Variants in TRAPPC3L observed in about 807,000 individuals in gnomAD.
TRAPPC3L encodes trafficking protein particle complex subunit 3L.
Under a neutral mutation model 23.7 loss-of-function variants are expected in TRAPPC3L, and 23 were observed. That is an observed-to-expected ratio of 0.97 (90% CI 0.70 to 1.37). TRAPPC3L has a LOEUF of 1.37. Ranked by LOEUF, TRAPPC3L falls within the 40% of genes most tolerant of loss-of-function variation. The probability of loss-of-function intolerance (pLI) is 0.00; values close to 1 mark genes in which losing one functional copy is unlikely to be tolerated. For missense variants in TRAPPC3L, 212 were observed against 216.8 expected, an observed-to-expected ratio of 0.98 and a Z score of 0.14; for synonymous variants, 81 against 77.9, an observed-to-expected ratio of 1.04 and a Z score of -0.21.
At chr6:116,521,481 GA>G (rs1400550185) in intron 3 of TRAPPC3L, 1 of 151,644 alleles carries the variant, frequency 6.6e-6, no homozygotes, top group Non-Finnish European at 1.5e-5. Flanking sequence ...AGGAGACAGA[GA>G]AAAGATTGGT....
At chr6:116,541,803 G>A (rs1464792780) in intron 2 of TRAPPC3L, among the ~76,000 whole-genome samples, 1 of 151,964 alleles carries the variant, frequency 6.6e-6, no homozygotes, top group African/African-American at 2.4e-5. Flanking sequence ...AAGCCAAAAC[G>A]TTATGAGCTG....
chr6:116,531,293 T>C (rs1298418236), intron 3 of TRAPPC3L, among the ~76,000 whole-genome samples: 2 of 151,764 alleles, frequency 1.3e-5, no homozygotes, highest in Admixed American at 6.5e-5. Context: ...TTGGGCAGAA[T>C]GCAAATGACA....
In TRAPPC3L at chr6:116,497,028, C is replaced by T. The variant is rs745600530; in HGVS notation, c.472G>A (p.Gly158Ser). 262 of 1,548,788 alleles carry T rather than the reference C, an allele frequency of 1.7e-4. 3 individuals are homozygous for T. The East Asian group carries it at 6.4e-3, about 38-fold the overall frequency. ...DVTFLQDRLK[G>S]DSVTEIGITF... ...ATTCCTATTTCTGTCACACTGTCAC[C>T]TTTTAGTCTGTCTTGCAAGAATGTA... The change falls in exon 5 of 5, where the codon GGT becomes AGT. Residue 158 changes from glycine (G) to serine (S), a missense_variant. Transcript: ENST00000368602.
Position 116,496,817 on chromosome 6 carries a change from C to G in TRAPPC3L, c.*137G>C. On this transcript the variant is annotated 3_prime_UTR_variant, in exon 5 of 5. Transcript: ENST00000368602. ...AAAAAAAACCTTTAAGCCTTCATGCCCTGCATTTCAAATTTCTGGCTGATT... is the reference window on the plus strand; with the variant it reads ...AAAAAAAACCTTTAAGCCTTCATGCGCTGCATTTCAAATTTCTGGCTGATT... 2 of 1,234,620 alleles carry G rather than the reference C, an allele frequency of 1.6e-6. No individual in the cohort carries two copies. Among genetic ancestry groups the G allele is most frequent in the Non-Finnish European group, 1.1e-6 (1 of 936,652 alleles). 76.5% of individuals were successfully genotyped at this position (1,234,620 alleles called of 1,614,324 possible).
At position 116,545,621 on chromosome 6, in the gene TRAPPC3L, C is replaced by A; in HGVS notation, c.-107G>T. ...TGTTTTGTTTTTGTAAGCTCTTCCT[C>A]GCTTTGAGACAGGAGTGCTGCTTCT... On this transcript the variant is annotated 5_prime_UTR_variant, in exon 1 of 5. Coordinates refer to ENST00000368602, the MANE Select transcript of TRAPPC3L (RefSeq NM_001139444.3). The A allele has an allele frequency of 2.0e-6, 2 of 989,372 alleles. No homozygotes were observed. The highest frequency in any genetic ancestry group is 2.8e-5 in the East Asian group (1 of 36,142). The allele number at this position is 989,372 out of a possible 1,614,324, so 61.3% of individuals were successfully genotyped here. A position where few individuals can be genotyped will look rare whatever the true frequency, so the allele number is the denominator to read the frequency against.
intron 3 of TRAPPC3L, among the ~76,000 whole-genome samples, chr6:116,525,243 T>A (rs1583275067): frequency 1.3e-5 from 2 of 152,150 alleles, no homozygotes; most frequent in Admixed American, 6.5e-5. Context: ...TCCCAGCCAG[T>A]TGTATTCTTA....
intron 3 of TRAPPC3L, among the ~76,000 whole-genome samples, chr6:116,513,795 G>A (rs1289712782): frequency 6.6e-6 from 1 of 152,170 alleles, no homozygotes. Flanking sequence ...AAATCTAGCT[G>A]GATGACTCTC....
intron 3 of TRAPPC3L, among the ~76,000 whole-genome samples, chr6:116,526,814 T>C (rs996045488): frequency 2.6e-5 from 4 of 152,228 alleles, no homozygotes; most frequent in Admixed American, 2.0e-4. Context: ...TGTAAATAGT[T>C]ACATTAATAA....
At chr6:116,528,889 C>T (rs1772531723) in intron 3 of TRAPPC3L, 1 of 152,218 alleles carries the variant, frequency 6.6e-6, no homozygotes, top group Non-Finnish European at 1.5e-5. Context: ...CTTTGAAAAA[C>T]AGGACGAGCA....
At chr6:116,511,181 T>C (rs903379695) in intron 3 of TRAPPC3L, among the ~76,000 whole-genome samples, 2 of 93,798 alleles carry the variant, frequency 2.1e-5, no homozygotes, top group African/African-American at 7.7e-5. Flanking sequence ...CCAAAAGCTA[T>C]TGATATATAT....
intron 3 of TRAPPC3L, among the ~76,000 whole-genome samples, chr6:116,534,846 C>A (rs1231184795): frequency 6.6e-6 from 1 of 152,136 alleles, no homozygotes; most frequent in Non-Finnish European, 1.5e-5. Flanking sequence ...ATATTAGATG[C>A]TGATTTTTTA....
At chr6:116,501,670 G>T (rs1330154349) in intron 3 of TRAPPC3L, among the ~76,000 whole-genome samples, 2 of 152,196 alleles carry the variant, frequency 1.3e-5, no homozygotes, top group South Asian at 2.1e-4. Context: ...GCTTCCAGAG[G>T]AAGGATCAGG....
intron 3 of TRAPPC3L, among the ~76,000 whole-genome samples, chr6:116,502,565 C>T (rs1771935972): frequency 6.6e-6 from 1 of 152,128 alleles, no homozygotes; most frequent in Admixed American, 6.5e-5. Flanking sequence ...CCCCAAGACA[C>T]ATAATTGTCA....
chr6:116,541,105 T>C (rs926947361), intron 2 of TRAPPC3L, among the ~76,000 whole-genome samples: 1 of 151,638 alleles, frequency 6.6e-6, no homozygotes, highest in African/African-American at 2.4e-5. Flanking sequence ...CCCGAGAAAA[T>C]AGCTCTAGTA....
intron 3 of TRAPPC3L, among the ~76,000 whole-genome samples, chr6:116,531,860 A>G (rs1321858241): frequency 2.0e-5 from 3 of 149,610 alleles, no homozygotes; most frequent in Non-Finnish European, 4.4e-5. Context: ...ATTTAATATA[A>G]TTAAAATTTA....
At chr6:116,509,625 G>A (rs1772071676) in intron 3 of TRAPPC3L, among the ~76,000 whole-genome samples, 1 of 152,106 alleles carries the variant, frequency 6.6e-6, no homozygotes, top group African/African-American at 2.4e-5. Context: ...ATAGCAACAT[G>A]TACAGGAATG....
intron 3 of TRAPPC3L, chr6:116,524,513 T>C (rs1427680595): frequency 6.6e-6 from 1 of 152,234 alleles, no homozygotes; most frequent in African/African-American, 2.4e-5. Flanking sequence ...TTTCTCTACA[T>C]GAGTGTATTG....
intron 3 of TRAPPC3L, chr6:116,511,807 G>T: frequency 6.2e-7 from 1 of 1,614,038 alleles, no homozygotes; most frequent in Admixed American, 1.7e-5. Context: ...TTTCTGTTGT[G>T]GCTTTTAAGT....
At chr6:116,540,306 C>G (rs1367598985) in intron 3 of TRAPPC3L, 57 bp downstream of exon 3, 17 of 1,499,300 alleles carry the variant, frequency 1.1e-5, no homozygotes, top group Non-Finnish European at 1.5e-5. Flanking sequence ...AACCACCATA[C>G]TCAAAAAGAA....
Sources: gnomAD v4.1 joint callset for allele counts (sites outside exome capture counted in the v4.1 genomes callset) on GRCh38, gnomAD v4.1.1 for gene constraint, MANE v1.5 for transcripts, NCBI Gene and HGNC (gene_info 2026-07-23, HGNC 2026-07-21) for gene names.